CACTIN: variants seen among roughly 807,000 people sequenced by gnomAD.
The protein encoded by CACTIN is splicing factor Cactin.
A neutral mutation model predicts 84.9 loss-of-function variants in CACTIN; 20 were observed. The ratio of observed to expected loss-of-function variants is 0.24; its 90% CI spans 0.17 to 0.34. The LOEUF is 0.34. Among genes scored for constraint, CACTIN ranks in the 10% least tolerant of loss-of-function variants. The pLI is 1.00. For missense variants in CACTIN, 897 were observed against 1,117.2 expected (o/e 0.80, Z 2.81); for synonymous variants, 549 against 467.9 (o/e 1.17, Z -2.24).
At position 3,610,716 on chromosome 19, in the gene CACTIN, G is replaced by T. The variant is rs904094865; in HGVS notation, c.*1207C>A. 1 of 456,846 alleles carries T rather than the reference G, an allele frequency of 2.2e-6. No individual in the cohort carries two copies. Among genetic ancestry groups the T allele is most frequent in the Non-Finnish European group, 4.4e-6 (1 of 227,010 alleles). 28.3% of individuals were successfully genotyped at this position (456,846 alleles called of 1,614,324 possible). On this transcript the variant is annotated 3_prime_UTR_variant, in exon 10 of 10. Coordinates refer to ENST00000429344, the MANE Select transcript of CACTIN (RefSeq NM_001080543.2). ...ATAGGCCAATTCCATGAGAACAAAAGATTTTTTTTCCCACCTACAAGTCTT... is the reference window on the plus strand; with the variant it reads ...ATAGGCCAATTCCATGAGAACAAAATATTTTTTTTCCCACCTACAAGTCTT...
chr19:3,617,029 G>A (rs893244220), intron 6 of CACTIN, among the ~76,000 whole-genome samples: 2 of 152,182 alleles, frequency 1.3e-5, no homozygotes, highest in African/African-American at 2.4e-5. Context: ...GCTGAGGCAG[G>A]AGAATCGCTT....
In CACTIN at chr19:3,613,331, C is replaced by T. The variant is rs1231606898; in HGVS notation, c.1513G>A (p.Gly505Arg). ...GCGGGGCCGCCCTCCGAGGAGGGCC[C>T]GGGCGGGGTGGGCGCCGCGTCCTCA... ...EPEDAAPTPP[G>R]PSSEGGPAEA... The change falls in exon 9 of 10, where the codon GGG becomes AGG. Residue 505 changes from glycine to arginine, a missense_variant. Coordinates refer to ENST00000429344, the MANE Select transcript of CACTIN (RefSeq NM_001080543.2). The T allele has an allele frequency of 3.3e-6, 5 of 1,530,358 alleles. No individual in the cohort carries two copies. The highest frequency in any genetic ancestry group is 2.4e-5 in the East Asian group (1 of 41,412). The allele number at this position is 1,530,358 out of a possible 1,614,324, so 94.8% of individuals were successfully genotyped here.
chr19:3,620,686 G>A lies in CACTIN; in HGVS notation c.738+21C>T, dbSNP rs369882270. 151 of 1,589,086 alleles carry A rather than the reference G, an allele frequency of 9.5e-5. 2 individuals are homozygous for A. In the South Asian group the frequency reaches 1.1e-3, roughly 11 times the overall value. ...CCCTGGAAAGGGAGGGCCCTGCCCA[G>A]TGGGCTGGCAGGGTGCCTACCTTCT... is the stretch of plus-strand genomic sequence containing the variant. On this transcript the variant is annotated intron_variant, in intron 3 of 9. Coordinates refer to ENST00000429344, the MANE Select transcript of CACTIN (RefSeq NM_001080543.2).
At chr19:3,622,635 C>CT (rs1435616784) in intron 2 of CACTIN, among the ~76,000 whole-genome samples, 1 of 152,230 alleles carries the variant, frequency 6.6e-6, no homozygotes, top group Non-Finnish European at 1.5e-5. Context: ...CAGGAGGGGC[C>CT]TCCCCTCGGC....
At chr19:3,613,025 G>T in intron 9 of CACTIN, 33 bp downstream of exon 9, 1 of 1,497,620 alleles carries the variant, frequency 6.7e-7, no homozygotes, top group Non-Finnish European at 8.9e-7. Context: ...CGCCCCACTG[G>T]CCCCACCCCC....
chr19:3,611,964 G>A lies in CACTIN; in HGVS notation c.2236C>T (p.Gln746Ter). 6.2e-7 allele frequency: 1 copy of A among 1,613,614 alleles called. No homozygotes were observed. Among genetic ancestry groups the A allele is most frequent in the Non-Finnish European group, 8.5e-7 (1 of 1,179,886 alleles). Residue 746 changes from glutamine to a stop codon, truncating the protein, a stop_gained, in exon 10 of 10, where the codon CAG becomes TAG. Transcript: ENST00000429344. LOFTEE classifies it high-confidence loss of function. The stretch of plus-strand genomic sequence containing the variant: ...TAGCGCTTGAAGTGAAACCACAGCT[G>A]GAAGATGCCGTTGGCAAACTGGCAG... Reference protein sequence around the residue: ...FRCQFANGIFQLWFHFKRYRY... With the variant: ...FRCQFANGIF
chr19:3,619,540 A>G (rs2033179176), intron 4 of CACTIN, among the ~76,000 whole-genome samples: 2 of 152,158 alleles, frequency 1.3e-5, no homozygotes, highest in East Asian at 1.9e-4. Flanking sequence ...GGCGGCTTCT[A>G]TGTGGGCTGT....
chr19:3,624,391 A>C (rs529737986), intron 1 of CACTIN, among the ~76,000 whole-genome samples: 2 of 152,370 alleles, frequency 1.3e-5, no homozygotes, highest in South Asian at 4.1e-4. Context: ...GGCAGAAGCC[A>C]CAAAGAGTAG....
At chr19:3,614,198 G>A (rs773298663) in intron 7 of CACTIN, among the ~76,000 whole-genome samples, 199 bp downstream of exon 7, 14 of 151,936 alleles carry the variant, frequency 9.2e-5, no homozygotes, top group East Asian at 1.9e-4. Flanking sequence ...GGGCCTTCCC[G>A]CTAGGGCACG....
rs1405282493 is a variant in CACTIN, at chr19:3,612,137, T to C, written c.2063A>G (p.Lys688Arg). 1.9e-6 allele frequency: 3 copies of C among 1,613,664 alleles called. No individual in the cohort carries two copies. The East Asian group carries it at 6.7e-5, about 36-fold the overall frequency. Reference sequence around the variant, plus strand: ...CAGGAAGTACTCGGGCGTGGAGCGCTTGTCGATGAGGTCGGGGTAGAAGAT... The same window carrying C: ...CAGGAAGTACTCGGGCGTGGAGCGCCTGTCGATGAGGTCGGGGTAGAAGAT... ...FNIFYPDLID[K>R]RSTPEYFLEA... Residue 688 changes from lysine (K) to arginine (R), a missense_variant, in exon 10 of 10, where the codon AAG becomes AGG. By Grantham distance (26) the Lys-to-Arg change is conservative. This residue lies in a region of CACTIN where 50 missense variants were observed against 51.6 expected (regional missense o/e 0.97). Coordinates refer to ENST00000429344, the MANE Select transcript of CACTIN (RefSeq NM_001080543.2).
chr19:3,619,123 C>G lies in CACTIN; in HGVS notation c.1004G>C (p.Gly335Ala). 1 of 1,592,294 alleles carries G rather than the reference C, an allele frequency of 6.3e-7. No homozygotes were observed. Residue 335 changes from glycine to alanine, a missense_variant, in exon 5 of 10, where the codon GGC becomes GCC. Gly to Ala is a moderately conservative substitution (Grantham distance 60, BLOSUM62 0). This residue lies in a region of CACTIN where 304 missense variants were observed against 444.3 expected (regional missense o/e 0.68). Coordinates refer to ENST00000429344, the MANE Select transcript of CACTIN (RefSeq NM_001080543.2). ...GTCCTCCATGTCGGCCACGGTGAGG[C>G]CGTTGAGGAACGTGTAGGGCTCATG... is the stretch of plus-strand genomic sequence containing the variant. Reference protein sequence around the residue: ...EMHEPYTFLNGLTVADMEDLL... With the variant: ...EMHEPYTFLNALTVADMEDLL...
At position 3,620,106 on chromosome 19, in the gene CACTIN, GA is replaced by G. The variant is rs2033191151; in HGVS notation, c.884+20del. 1.2e-6 allele frequency: 2 copies of G among 1,607,748 alleles called. No homozygotes were observed. The highest frequency in any genetic ancestry group is 2.2e-5 in the East Asian group (1 of 44,858). On this transcript the variant is annotated intron_variant, in intron 4 of 9. Coordinates refer to ENST00000429344, the MANE Select transcript of CACTIN (RefSeq NM_001080543.2). ...CCTGGCTCCAAGTCTGGGTCGGAGG[GA>G]GGGGGAGGCCCCAGCGCACCGCAGC... is the stretch of plus-strand genomic sequence containing the variant.
intron 2 of CACTIN, among the ~76,000 whole-genome samples, chr19:3,623,265 C>A (rs927243915): frequency 1.2e-4 from 17 of 143,458 alleles, no homozygotes; most frequent in African/African-American, 4.2e-4. Context: ...CGTGGTGGCT[C>A]ACGCCTGTAA....
intron 6 of CACTIN, among the ~76,000 whole-genome samples, chr19:3,618,613 G>A (rs1210643170): frequency 1.3e-5 from 2 of 152,200 alleles, no homozygotes; most frequent in Non-Finnish European, 2.9e-5. Flanking sequence ...CCATAAGGCC[G>A]GCACCGCCGA....
rs895327459 is a variant in CACTIN, at chr19:3,614,377, T to C, written c.1355+20A>G. ...CCCACCCGGACGGCACCAACCCTGG[T>C]ACCCGCACCTAGTGCTCACCGGGCC... On this transcript the variant is annotated intron_variant, in intron 7 of 9. Coordinates refer to ENST00000429344, the MANE Select transcript of CACTIN (RefSeq NM_001080543.2). 3.9e-6 allele frequency: 6 copies of C among 1,557,008 alleles called. No homozygotes were observed. In the African/African-American group the frequency reaches 8.2e-5, roughly 21 times the overall value.
chr19:3,623,256 G>A lies in CACTIN; in HGVS notation c.642+432C>T, dbSNP rs545292611. On this transcript the variant is annotated intron_variant, in intron 2 of 9. Coordinates refer to ENST00000429344, the MANE Select transcript of CACTIN (RefSeq NM_001080543.2). Reference sequence around the variant, plus strand: ...AGTCAAAAAAGAAAGCTGGCCGGGCGTGGTGGCTCACGCCTGTAATCCCAG... The same window carrying A: ...AGTCAAAAAAGAAAGCTGGCCGGGCATGGTGGCTCACGCCTGTAATCCCAG... 5.5e-5 allele frequency among the ~76,000 whole-genome samples: 8 copies of A among 144,564 alleles called. No individual in the cohort carries two copies. The South Asian group carries it at 1.8e-3, about 32-fold the overall frequency. The allele number at this position is 144,564 out of a possible 152,430, so 94.8% of individuals were successfully genotyped here. A position where few individuals can be genotyped will look rare whatever the true frequency, so the allele number is the denominator to read the frequency against.
intron 9 of CACTIN, chr19:3,612,773 C>T (rs763189042): frequency 5.7e-6 from 4 of 700,222 alleles, no homozygotes; most frequent in Middle Eastern, 2.3e-4. Context: ...AGTATTTTCT[C>T]CTCTGTCTTA....
chr19:3,626,343 C>T (rs1315070648), intron 1 of CACTIN, among the ~76,000 whole-genome samples: 1 of 152,264 alleles, frequency 6.6e-6, no homozygotes, highest in African/African-American at 2.4e-5. Flanking sequence ...GATCTGATCT[C>T]TCGTTACCTC....
chr19:3,612,623 A>G (rs1220474868), intron 9 of CACTIN, among the ~76,000 whole-genome samples: 2 of 152,104 alleles, frequency 1.3e-5, no homozygotes, highest in South Asian at 2.1e-4. Context: ...CTTCATGTCT[A>G]TCGTCCTCCT....
Sources: gnomAD v4.1 joint callset for allele counts (sites outside exome capture counted in the v4.1 genomes callset) on GRCh38, gnomAD v4.1.1 for gene constraint, gnomAD v4.1.1 regional missense constraint, MANE v1.5 for transcripts, NCBI Gene and HGNC (gene_info 2026-07-23, HGNC 2026-07-21) for gene names.